MYOZ3: variants seen among roughly 807,000 people sequenced by gnomAD.
The protein encoded by MYOZ3 is myozenin-3.
MYOZ3 carries 19 observed loss-of-function variants against 26.5 expected under a neutral mutation model. That is an observed-to-expected ratio of 0.72 (90% confidence interval 0.50 to 1.05). MYOZ3 has a LOEUF of 1.05. Ranked by LOEUF, MYOZ3 falls within the 50% of genes least tolerant of loss-of-function variation. The pLI is 0.00. For synonymous variants in MYOZ3, 135 were observed against 138.8 expected (o/e 0.97, Z 0.19); for missense variants, 322 against 337.1 (o/e 0.96, Z 0.35).
intron 2 of MYOZ3, chr5:150,669,998 C>T (rs1159628012): frequency 6.6e-6 from 1 of 152,392 alleles, no homozygotes; most frequent in African/African-American, 2.4e-5. Context: ...TAAAAGAACA[C>T]AGGTCTAAAA....
chr5:150,671,477 C>G lies in MYOZ3; in HGVS notation c.217-120C>G, dbSNP rs17727079. On this transcript the variant is annotated intron_variant, in intron 3 of 6. Coordinates refer to ENST00000517768, the MANE Select transcript of MYOZ3 (RefSeq NM_001122853.3). ...TGTAAACTAGTAACTCATCCTTGTT[C>G]CCCGATGATGGGCGTTAGGATTCTT... The G allele has an allele frequency of 2.1e-5, 21 of 1,008,464 alleles. 1 individual carries two copies. The South Asian group carries it at 3.0e-4, about 14-fold the overall frequency. The allele number at this position is 1,008,464 out of a possible 1,614,324, so 62.5% of individuals were successfully genotyped here.
chr5:150,665,430 G>A (rs1758793116), intron 2 of MYOZ3, among the ~76,000 whole-genome samples: 1 of 152,082 alleles, frequency 6.6e-6, no homozygotes, highest in African/African-American at 2.4e-5. Context: ...CCACTAATAA[G>A]GGGCATCTGG....
At chr5:150,665,446 T>A (rs1297014208) in intron 2 of MYOZ3, among the ~76,000 whole-genome samples, 1 of 152,198 alleles carries the variant, frequency 6.6e-6, no homozygotes, top group Non-Finnish European at 1.5e-5. Flanking sequence ...TCTGGCAGCA[T>A]CCACCACGAG....
At chr5:150,672,690 G>A (rs1758941806) in intron 6 of MYOZ3, 188 bp downstream of exon 6, 5 of 618,776 alleles carry the variant, frequency 8.1e-6, no homozygotes, top group Admixed American at 3.5e-5. Context: ...GTTAACGTGG[G>A]AGAAATGAAG....
Position 150,671,869 on chromosome 5 carries a change from C to T in MYOZ3, c.385C>T (p.Pro129Ser), listed in dbSNP as rs1561671103. The T allele has an allele frequency of 6.3e-7, 1 of 1,591,868 alleles. No homozygotes were observed. The highest frequency in any genetic ancestry group is 8.5e-7 in the Non-Finnish European group (1 of 1,172,292). The change falls in exon 5 of 7, where the codon CCT (proline) becomes TCT (serine). Residue 129 changes from proline (P) to serine (S), a missense_variant. Physicochemically the swap from Pro to Ser is moderately conservative, Grantham distance 74 (BLOSUM62 -1). Transcript: ENST00000517768. ...GPEGAHPAAA[P>S]AGCVPSPSAL... ...CGAGGGCGCCCACCCTGCAGCCGCCCCTGCTGGGTGCGTCCCCAGCCCCAG... is the reference window on the plus strand; with the variant it reads ...CGAGGGCGCCCACCCTGCAGCCGCCTCTGCTGGGTGCGTCCCCAGCCCCAG...
intron 2 of MYOZ3, among the ~76,000 whole-genome samples, chr5:150,668,302 T>C (rs1158869725): frequency 6.6e-6 from 1 of 152,262 alleles, no homozygotes; most frequent in Admixed American, 6.5e-5. Context: ...TGACCTTGTA[T>C]TGCTAAATAT....
Position 150,670,501 on chromosome 5 carries a change from G to A in MYOZ3, c.79G>A (p.Gly27Ser). Residue 27 changes from glycine (G) to serine (S), a missense_variant, in exon 3 of 7, where the codon GGC (glycine) becomes AGC (serine). By Grantham distance (56) the Gly-to-Ser change is moderately conservative. Coordinates refer to ENST00000517768, the MANE Select transcript of MYOZ3 (RefSeq NM_001122853.3). The part of the protein sequence containing the change: ...LTEPVPTLDL[G>S]KKLSVPQDLM... ...CCTGGCAGTCCCTACGCTGGACCTG[G>A]GCAAGAAGCTGAGCGTGCCCCAGGA... 1.2e-6 allele frequency: 2 copies of A among 1,612,074 alleles called. No homozygotes were observed. Among genetic ancestry groups the A allele is most frequent in the South Asian group, 2.2e-5 (2 of 90,906 alleles).
chr5:150,663,016 A>G lies in MYOZ3; in HGVS notation c.61+14A>G. 1 of 1,597,990 alleles carries G rather than the reference A, an allele frequency of 6.3e-7. No homozygotes were observed. Among genetic ancestry groups the G allele is most frequent in the Non-Finnish European group, 8.5e-7 (1 of 1,171,096 alleles). On this transcript the variant is annotated intron_variant, in intron 2 of 6. Coordinates refer to ENST00000517768, the MANE Select transcript of MYOZ3 (RefSeq NM_001122853.3). Reference sequence around the variant, plus strand: ...TCACTGAACCAGGTAAGGTGGTTCTAGCCTCATGCCTTCCTCAGACTCCAT... The same window carrying G: ...TCACTGAACCAGGTAAGGTGGTTCTGGCCTCATGCCTTCCTCAGACTCCAT...
In MYOZ3 at chr5:150,671,889, C is replaced by G; in HGVS notation, c.405C>G (p.Ser135Arg). 2 of 1,563,978 alleles carry G rather than the reference C, an allele frequency of 1.3e-6. No individual in the cohort carries two copies. The highest frequency in any genetic ancestry group is 1.9e-5 in the Admixed American group (1 of 52,812). Residue 135 changes from serine to arginine, a missense_variant, in exon 5 of 7, where the codon AGC becomes AGG. Physicochemically the swap from Ser to Arg is moderately radical, Grantham distance 110 (BLOSUM62 -1). Coordinates refer to ENST00000517768, the MANE Select transcript of MYOZ3 (RefSeq NM_001122853.3). ...PAAAPAGCVPSPSALAPGYAE... is the reference protein window; with the variant it reads ...PAAAPAGCVPRPSALAPGYAE... ...CCGCCCCTGCTGGGTGCGTCCCCAG[C>G]CCCAGCGCCCTGGCGCCAGGTGAGT... is the stretch of plus-strand genomic sequence containing the variant.
At position 150,677,169 on chromosome 5, in the gene MYOZ3, C is replaced by T. The variant is rs760454800; in HGVS notation, c.*294C>T. 9 of 244,570 alleles carry T rather than the reference C, an allele frequency of 3.7e-5. No homozygotes were observed. The highest frequency in any genetic ancestry group is 8.7e-5 in the East Asian group (1 of 11,436). The allele number at this position is 244,570 out of a possible 1,614,324, so 15.1% of individuals were successfully genotyped here. A position where few individuals can be genotyped will look rare whatever the true frequency, so the allele number is the denominator to read the frequency against. On this transcript the variant is annotated 3_prime_UTR_variant, in exon 7 of 7. Transcript: ENST00000517768. The stretch of plus-strand genomic sequence containing the variant: ...AACCAGGGCCGGGTGTCGTGGCTCA[C>T]GCCTGTCATCCCAGCACTTTGGGAG...
In MYOZ3 at chr5:150,671,331, C is replaced by T. The variant is rs182369998; in HGVS notation, c.217-266C>T. 294 of 530,470 alleles carry T rather than the reference C, an allele frequency of 5.5e-4. 1 individual carries two copies. Among genetic ancestry groups the T allele is most frequent in the African/African-American group, 4.4e-3 (231 of 52,378 alleles). The allele number at this position is 530,470 out of a possible 1,614,324, so 32.9% of individuals were successfully genotyped here. ...GGAAGAGATCTTCATCACCATCATC[C>T]TCATTCTATCGAGAAGGACATTGAG... On this transcript the variant is annotated intron_variant, in intron 3 of 6. Coordinates refer to ENST00000517768, the MANE Select transcript of MYOZ3 (RefSeq NM_001122853.3).
intron 2 of MYOZ3, among the ~76,000 whole-genome samples, chr5:150,665,307 G>A (rs1258431233): frequency 1.3e-5 from 2 of 152,130 alleles, no homozygotes; most frequent in African/African-American, 4.8e-5. Flanking sequence ...ACCCCGCGGG[G>A]AGCTCTCGAG....
At chr5:150,673,554 C>G (rs1758958498) in intron 6 of MYOZ3, among the ~76,000 whole-genome samples, 1 of 152,154 alleles carries the variant, frequency 6.6e-6, no homozygotes, top group East Asian at 1.9e-4. Flanking sequence ...GTTGGCCGGG[C>G]TGGTCTCGAA....
At chr5:150,670,418 G>A in intron 2 of MYOZ3, 66 bp from the exon 3 acceptor site, 1 of 1,447,708 alleles carries the variant, frequency 6.9e-7, no homozygotes, top group Non-Finnish European at 9.1e-7. Context: ...GCCATGCTTC[G>A]AGAGGTGGGG....
intron 2 of MYOZ3, among the ~76,000 whole-genome samples, chr5:150,664,836 A>T (rs1237334011): frequency 1.3e-5 from 2 of 152,196 alleles, no homozygotes; most frequent in African/African-American, 4.8e-5. Flanking sequence ...GGCATACATT[A>T]AAAAAATTTG....
chr5:150,672,569 G>C, intron 6 of MYOZ3, 67 bp downstream of exon 6: 1 of 1,498,596 alleles, frequency 6.7e-7, no homozygotes, highest in Non-Finnish European at 8.9e-7. Context: ...AGCCACAGCG[G>C]GAGCCTGCGT....
intron 6 of MYOZ3, among the ~76,000 whole-genome samples, chr5:150,675,429 A>G (rs1020872345): frequency 2.0e-5 from 3 of 151,946 alleles, no homozygotes; most frequent in African/African-American, 2.4e-5. Context: ...CTGCAGTGCA[A>G]TGACACAATC....
rs1225388346 is a variant in MYOZ3, at chr5:150,679,021, C to T, written c.*2146C>T. The T allele has an allele frequency of 6.6e-6, 1 of 152,376 alleles. No individual in the cohort carries two copies. Among genetic ancestry groups the T allele is most frequent in the Non-Finnish European group, 1.5e-5 (1 of 68,060 alleles). 9.4% of individuals were successfully genotyped at this position (152,376 alleles called of 1,614,324 possible). A position where few individuals can be genotyped will look rare whatever the true frequency, so the allele number is the denominator to read the frequency against. On this transcript the variant is annotated 3_prime_UTR_variant, in exon 7 of 7. Coordinates refer to ENST00000517768, the MANE Select transcript of MYOZ3 (RefSeq NM_001122853.3). ...TTCCTTTTGCTCTGGAGTTTCACTC[C>T]CCTTCTGGGTCCCAAGGGCCCAATG...
chr5:150,662,488 G>A (rs1248350172), intron 1 of MYOZ3, among the ~76,000 whole-genome samples: 1 of 152,106 alleles, frequency 6.6e-6, no homozygotes, highest in Non-Finnish European at 1.5e-5. Flanking sequence ...GCAGACCCCA[G>A]TGTAACCCCA....
Sources: allele counts gnomAD v4.1 joint callset (sites outside exome capture counted in the v4.1 genomes callset), GRCh38; gene constraint gnomAD v4.1.1; transcripts MANE v1.5; gene names NCBI Gene and HGNC (gene_info 2026-07-23, HGNC 2026-07-21).